Variants in CELF4 observed in about 807,000 individuals in gnomAD.
CELF4 encodes the protein CUGBP Elav-like family member 4, also known as CUG-BP- and ETR-3-like factor 4.
Under a neutral mutation model 59.9 loss-of-function variants are expected in CELF4, and 18 were observed. The observed-to-expected ratio is 0.30, with a 90% confidence interval of 0.21 to 0.45. The LOEUF is 0.45. Among genes scored for constraint, CELF4 ranks in the 20% least tolerant of loss-of-function variants. The pLI is 1.00. For missense variants in CELF4, 456 were observed against 689.0 expected, an observed-to-expected ratio of 0.66 and a Z score of 3.79; for synonymous variants, 261 against 267.1, an observed-to-expected ratio of 0.98 and a Z score of 0.22.
chr18:37,352,290 C>T (rs373491916), intron 2 of CELF4, among the ~76,000 whole-genome samples: 5 of 152,162 alleles, frequency 3.3e-5, no homozygotes, highest in East Asian at 3.9e-4. Context: ...CTGGCACAGC[C>T]GTGAGAGCTT....
intron 2 of CELF4, among the ~76,000 whole-genome samples, chr18:37,374,382 G>T (rs552918755): frequency 6.6e-6 from 1 of 152,114 alleles, no homozygotes; most frequent in Admixed American, 6.5e-5. Context: ...TCTGACATCC[G>T]GCTCCGAACT....
chr18:37,426,033 G>T (rs531187583), intron 2 of CELF4, among the ~76,000 whole-genome samples: 1 of 152,272 alleles, frequency 6.6e-6, no homozygotes, highest in East Asian at 1.9e-4. Context: ...GATCAGACCA[G>T]GATATAGCCC....
chr18:37,472,884 G>A (rs552436962), intron 2 of CELF4, among the ~76,000 whole-genome samples: 2 of 152,270 alleles, frequency 1.3e-5, no homozygotes, highest in African/African-American at 4.8e-5. Context: ...GGTTCTATGC[G>A]GGCATTTATG....
chr18:37,424,286 C>T (rs542376158), intron 2 of CELF4, among the ~76,000 whole-genome samples: 2 of 151,996 alleles, frequency 1.3e-5, no homozygotes, highest in African/African-American at 2.4e-5. Context: ...TCTATGCAGG[C>T]GTATGGAGCC....
At chr18:37,496,960 T>TTTTTG (rs2099925904) in intron 1 of CELF4, among the ~76,000 whole-genome samples, 3 of 152,122 alleles carry the variant, frequency 2.0e-5, no homozygotes, top group Non-Finnish European at 4.4e-5. Flanking sequence ...GGGTAGGGGC[T>TTTTTG]CTGGGTTTTG....
chr18:37,265,852 T>C (rs762569670), intron 9 of CELF4, among the ~76,000 whole-genome samples: 1 of 152,140 alleles, frequency 6.6e-6, no homozygotes, highest in Non-Finnish European at 1.5e-5. Context: ...AGAGAGACCC[T>C]GATCAGGTCA....
chr18:37,340,872 C>T (rs1490995667), intron 2 of CELF4, among the ~76,000 whole-genome samples: 1 of 152,222 alleles, frequency 6.6e-6, no homozygotes, highest in East Asian at 1.9e-4. Context: ...ACTGGAGGCT[C>T]ACTCCACGCA....
At chr18:37,379,812 C>T (rs1442666310) in intron 2 of CELF4, among the ~76,000 whole-genome samples, 1 of 152,188 alleles carries the variant, frequency 6.6e-6, no homozygotes. Context: ...CACTCCTGCT[C>T]TCCCTCCAGC....
intron 2 of CELF4, among the ~76,000 whole-genome samples, chr18:37,368,340 C>T (rs1398980269): frequency 6.6e-6 from 1 of 152,102 alleles, no homozygotes; most frequent in African/African-American, 2.4e-5. Flanking sequence ...TAGACCACAA[C>T]TCAGGGGGAA....
At chr18:37,558,806 CGTGTGTGT>C (rs147683102) in intron 1 of CELF4, among the ~76,000 whole-genome samples, 2 of 145,460 alleles carry the variant, frequency 1.4e-5, no homozygotes, top group African/African-American at 5.1e-5. Context: ...GCTGTCAGGT[CGTGTGTGT>C]GTGTGTGTGT....
chr18:37,538,889 ACCT>A (rs2099975630), intron 1 of CELF4, among the ~76,000 whole-genome samples: 1 of 151,852 alleles, frequency 6.6e-6, no homozygotes, highest in South Asian at 2.1e-4. Flanking sequence ...TCCTCCCGTC[ACCT>A]CCCGTGTGCC....
chr18:37,264,059 C>T (rs1453997540), intron 10 of CELF4, among the ~76,000 whole-genome samples: 1 of 152,198 alleles, frequency 6.6e-6, no homozygotes, highest in Admixed American at 6.5e-5. Flanking sequence ...ATGCACACAG[C>T]TATCAGAGCT....
Position 37,433,559 on chromosome 18 carries a change from C to T in CELF4, c.369+51966G>A, listed in dbSNP as rs142433893. On this transcript the variant is annotated intron_variant, in intron 2 of 12. Coordinates refer to ENST00000420428, the MANE Select transcript of CELF4 (RefSeq NM_020180.4). ...GTGCTATTAACATGAGAACCATTTT[C>T]GTTTGAGCTTTTGTTTTTGGGAGTT... is the stretch of plus-strand genomic sequence containing the variant. Among the ~76,000 whole-genome samples, 6 of 152,312 alleles carry T rather than the reference C, an allele frequency of 3.9e-5. No individual in the cohort carries two copies. In the East Asian group the frequency reaches 7.7e-4, roughly 20 times the overall value.
intron 2 of CELF4, among the ~76,000 whole-genome samples, chr18:37,420,814 T>C (rs1169154932): frequency 6.6e-6 from 1 of 152,306 alleles, no homozygotes; most frequent in South Asian, 2.1e-4. Context: ...GTGCCCTGCC[T>C]TCCCATGGAT....
intron 2 of CELF4, among the ~76,000 whole-genome samples, chr18:37,382,611 C>CA (rs1352201803): frequency 6.6e-6 from 1 of 152,202 alleles, no homozygotes; most frequent in Non-Finnish European, 1.5e-5. Context: ...ATGCCTGAGT[C>CA]ATGCCTTTTC....
At chr18:37,394,633 AG>A (rs772149519) in intron 2 of CELF4, among the ~76,000 whole-genome samples, 86 of 152,320 alleles carry the variant, frequency 5.6e-4, no homozygotes, top group Admixed American at 2.1e-3. Flanking sequence ...AGGCGATGCC[AG>A]GGCCCTCCCA....
At position 37,511,571 on chromosome 18, in the gene CELF4, G is replaced by A. The variant is rs562135832; in HGVS notation, c.287-25964C>T. ...ACCCATTCGACACACTCCTCACACT[G>A]CCATTGACTACCCAGATGTGAATCT... On this transcript the variant is annotated intron_variant, in intron 1 of 12. Transcript: ENST00000420428. Among the ~76,000 whole-genome samples, 145 of 151,772 alleles carry A rather than the reference G, an allele frequency of 9.6e-4. 4 individuals are homozygous for A. In the South Asian group the frequency reaches 0.015, roughly 16 times the overall value.
At position 37,310,646 on chromosome 18, in the gene CELF4, C is replaced by T. The variant is rs1020653812; in HGVS notation, c.448+11157G>A. Reference sequence around the variant, plus strand: ...ATGCCGTCTCATCCCTCTTCCTGTCCCTCCCCCCAATCACCTGTCCCTGCA... The same window carrying T: ...ATGCCGTCTCATCCCTCTTCCTGTCTCTCCCCCCAATCACCTGTCCCTGCA... On this transcript the variant is annotated intron_variant, in intron 3 of 12. Transcript: ENST00000420428. 2.6e-5 allele frequency among the ~76,000 whole-genome samples: 4 copies of T among 152,268 alleles called. No individual in the cohort carries two copies. The South Asian group carries it at 6.2e-4, about 24-fold the overall frequency.
chr18:37,250,343 C>T (rs1188086325), intron 12 of CELF4, among the ~76,000 whole-genome samples: 1 of 152,122 alleles, frequency 6.6e-6, no homozygotes, highest in Non-Finnish European at 1.5e-5. Flanking sequence ...ACCCTAATCC[C>T]ACCCCACTCA....
Sources: allele counts gnomAD v4.1 joint callset (sites outside exome capture counted in the v4.1 genomes callset), GRCh38; gene constraint gnomAD v4.1.1; transcripts MANE v1.5; gene names NCBI Gene and HGNC (gene_info 2026-07-23, HGNC 2026-07-21).